The following EMC1 variants were observed in gnomAD, a reference collection of about 807,000 sequenced individuals.
The protein encoded by EMC1 is ER membrane protein complex subunit 1.
Under a neutral mutation model 128.8 loss-of-function variants are expected in EMC1, and 103 were observed. The observed-to-expected ratio is 0.80, with a 90% CI of 0.68 to 0.94. EMC1 has a LOEUF of 0.94. EMC1 is among the 40% of genes least tolerant of loss of function. The probability of loss-of-function intolerance (pLI) is 0.00; values close to 1 mark genes in which losing one functional copy is unlikely to be tolerated. For synonymous variants in EMC1, 442 were observed against 490.4 expected (o/e 0.90, Z 1.30); for missense variants, 1,083 against 1,250.6 (o/e 0.87, Z 2.02).
chr1:19,245,124 A>G lies in EMC1; in HGVS notation c.96-94T>C. On this transcript the variant is annotated intron_variant, in intron 1 of 22. Coordinates refer to ENST00000477853, the MANE Select transcript of EMC1 (RefSeq NM_015047.3). ...AAAATCACAGGGCTATCACCATCAC[A>G]TTCATTTTAGGACACATAAGACGTG... 2.1e-6 allele frequency: 3 copies of G among 1,407,610 alleles called. No homozygotes were observed. In the South Asian group the frequency reaches 3.5e-5, roughly 17 times the overall value. The allele number at this position is 1,407,610 out of a possible 1,614,324, so 87.2% of individuals were successfully genotyped here. A position where few individuals can be genotyped will look rare whatever the true frequency, so the allele number is the denominator to read the frequency against.
chr1:19,215,853 T>A lies in EMC1; in HGVS notation c.*3450A>T, dbSNP rs936058622. 6.6e-6 allele frequency: 1 copy of A among 152,076 alleles called. No individual in the cohort carries two copies. Among genetic ancestry groups the A allele is most frequent in the Non-Finnish European group, 1.5e-5 (1 of 68,058 alleles). 9.4% of individuals were successfully genotyped at this position (152,076 alleles called of 1,614,324 possible). ...ACCACCACACCTGGCTAAATTTTTTTATTTTTTTGGTAGAGATGGGGTTTC... is the reference window on the plus strand; with the variant it reads ...ACCACCACACCTGGCTAAATTTTTTAATTTTTTTGGTAGAGATGGGGTTTC... On this transcript the variant is annotated 3_prime_UTR_variant, in exon 23 of 23. Coordinates refer to ENST00000477853, the MANE Select transcript of EMC1 (RefSeq NM_015047.3).
At position 19,240,709 on chromosome 1, in the gene EMC1, A is replaced by G. The variant is rs540962487; in HGVS notation, c.637-263T>C. 6.6e-5 allele frequency: 38 copies of G among 575,164 alleles called. 1 individual carries two copies. In the South Asian group the frequency reaches 7.6e-4, roughly 11 times the overall value. The allele number at this position is 575,164 out of a possible 1,614,324, so 35.6% of individuals were successfully genotyped here. Reference sequence around the variant, plus strand: ...GATAATTTTAAATACCTGGCACTTCAGAATCAGCACTTCTTTACTATATTT... The same window carrying G: ...GATAATTTTAAATACCTGGCACTTCGGAATCAGCACTTCTTTACTATATTT... On this transcript the variant is annotated intron_variant, in intron 6 of 22. Coordinates refer to ENST00000477853, the MANE Select transcript of EMC1 (RefSeq NM_015047.3).
In EMC1 at chr1:19,226,828, C is replaced by A. The variant is rs2151943177; in HGVS notation, c.2202+485G>T. 2.0e-5 allele frequency among the ~76,000 whole-genome samples: 3 copies of A among 152,064 alleles called. No homozygotes were observed. In the Middle Eastern group the frequency reaches 0.01, roughly 517 times the overall value. Reference sequence around the variant, plus strand: ...GACTCAAGTAATCCACCCACCTCGACCTCTCAAAATGCTGGGATTACTGGC... The same window carrying A: ...GACTCAAGTAATCCACCCACCTCGAACTCTCAAAATGCTGGGATTACTGGC... On this transcript the variant is annotated intron_variant, in intron 18 of 22. Coordinates refer to ENST00000477853, the MANE Select transcript of EMC1 (RefSeq NM_015047.3).
At chr1:19,235,766 G>A (rs756292064) in intron 12 of EMC1, among the ~76,000 whole-genome samples, 10 of 151,968 alleles carry the variant, frequency 6.6e-5, no homozygotes, top group Admixed American at 1.3e-4. Flanking sequence ...GGTGGCGAGC[G>A]CCTGTAGTCA....
intron 15 of EMC1, 35 bp from the exon 16 acceptor site, chr1:19,231,457 G>C: frequency 1.3e-6 from 2 of 1,594,518 alleles, no homozygotes. Context: ...CCACCAACAA[G>C]AAAAGACTGC....
chr1:19,241,663 G>A (rs999852239), intron 5 of EMC1, among the ~76,000 whole-genome samples: 3 of 152,012 alleles, frequency 2.0e-5, no homozygotes, highest in African/African-American at 7.2e-5. Context: ...TCACAAGCAC[G>A]CACCACCATG....
chr1:19,222,860 A>G, intron 19 of EMC1, 26 bp from the exon 20 acceptor site: 1 of 1,543,704 alleles, frequency 6.5e-7, no homozygotes, highest in Non-Finnish European at 8.8e-7. Flanking sequence ...GTGGCAGCTC[A>G]GGGCTTAGCA....
intron 21 of EMC1, chr1:19,220,014 A>G (rs1328238922): frequency 1.3e-5 from 4 of 309,960 alleles, no homozygotes; most frequent in African/African-American, 8.5e-5. Context: ...ACACTGAACC[A>G]CTAAGCTAAT....
At chr1:19,233,348 T>A (rs16862629) in intron 13 of EMC1, among the ~76,000 whole-genome samples, 1 of 152,042 alleles carries the variant, frequency 6.6e-6, no homozygotes, top group Non-Finnish European at 1.5e-5. Context: ...CTTAACTGGC[T>A]CTTAACAACT....
chr1:19,249,280 T>G (rs930342052), intron 1 of EMC1, among the ~76,000 whole-genome samples: 21 of 150,512 alleles, frequency 1.4e-4, no homozygotes, highest in Non-Finnish European at 4.4e-5. Context: ...ACTTACTGAC[T>G]AACCCCAGAA....
At chr1:19,229,038 T>C (rs1558097766) in intron 17 of EMC1, among the ~76,000 whole-genome samples, 1 of 152,110 alleles carries the variant, frequency 6.6e-6, no homozygotes, top group Non-Finnish European at 1.5e-5. Flanking sequence ...AGCGAGACTC[T>C]GTCTCTAAAA....
In EMC1 at chr1:19,240,312, T is replaced by C. The variant is rs770775909; in HGVS notation, c.771A>G (p.Arg257=). Residue 257 remains arginine, a synonymous_variant, in exon 7 of 23, where the codon AGA becomes AGG. Coordinates refer to ENST00000477853, the MANE Select transcript of EMC1 (RefSeq NM_015047.3). ...TLALETEWEL[R]QIPLQSLDLE... is the part of the protein sequence containing the mutation. ...AGCCTCTCACCTGCAGTGGGATCTG[T>C]CTCAACTCCCATTCCGTCTCCAGAG... 1.2e-6 allele frequency: 2 copies of C among 1,614,028 alleles called. No homozygotes were observed. Among genetic ancestry groups the C allele is most frequent in the Non-Finnish European group, 1.7e-6 (2 of 1,180,030 alleles).
At chr1:19,223,002 T>A in intron 19 of EMC1, 168 bp from the exon 20 acceptor site, 1 of 602,082 alleles carries the variant, frequency 1.7e-6, no homozygotes, top group East Asian at 2.9e-5. Context: ...TTCAAAGTAG[T>A]TTTATCTAGG....
rs761191684 is a variant in EMC1, at chr1:19,251,394, A to G, written c.95+21T>C. On this transcript the variant is annotated intron_variant, in intron 1 of 22. Transcript: ENST00000477853. ...GGGGAAACAGCCACTTATCTCTCGAATATGTTCCACACGTACGCACCAATC... is the reference window on the plus strand; with the variant it reads ...GGGGAAACAGCCACTTATCTCTCGAGTATGTTCCACACGTACGCACCAATC... 4 of 1,608,792 alleles carry G rather than the reference A, an allele frequency of 2.5e-6. No individual in the cohort carries two copies. In the African/African-American group the frequency reaches 4.0e-5, roughly 16 times the overall value.
At chr1:19,247,842 T>C (rs2093638636) in intron 1 of EMC1, among the ~76,000 whole-genome samples, 1 of 152,112 alleles carries the variant, frequency 6.6e-6, no homozygotes, top group African/African-American at 2.4e-5. Flanking sequence ...CTGGCCAACA[T>C]GGTGAAACCC....
chr1:19,227,335 C>A lies in EMC1; in HGVS notation c.2180G>T (p.Gly727Val). 1 of 1,614,146 alleles carries A rather than the reference C, an allele frequency of 6.2e-7. No individual in the cohort carries two copies. Among genetic ancestry groups the A allele is most frequent in the Non-Finnish European group, 8.5e-7 (1 of 1,180,008 alleles). Residue 727 changes from glycine (G) to valine (V), a missense_variant, in exon 18 of 23, where the codon GGG becomes GTG. Physicochemically the swap from Gly to Val is moderately radical, Grantham distance 109. Coordinates refer to ENST00000477853, the MANE Select transcript of EMC1 (RefSeq NM_015047.3). ...TACCTTGTAGAGCACACTGCGGTCC[C>A]CCATCACACGGCCCTGGGAATGAAC... ...EHVHSQGRVM[G>V]DRSVLYKSLN...
Position 19,241,078 on chromosome 1 carries a change from C to A in EMC1, c.574G>T (p.Val192Phe), listed in dbSNP as rs1437092860. The change falls in exon 6 of 23, where the codon GTT becomes TTT. Residue 192 changes from valine to phenylalanine, a missense_variant. Physicochemically the swap from Val to Phe is conservative, Grantham distance 50. This residue lies in a region of EMC1 where 544 missense variants were observed against 572.4 expected (regional missense o/e 0.95). Transcript: ENST00000477853. ...ACAATGTTCACATGGCTGAAGGGAA[C>A]AACTCCGAGGGCCCACACCACCCCA... is the stretch of plus-strand genomic sequence containing the variant. ...GSGVVWALGV[V>F]PFSHVNIVKF... 6.2e-7 allele frequency: 1 copy of A among 1,614,048 alleles called. No individual in the cohort carries two copies. Among genetic ancestry groups the A allele is most frequent in the African/African-American group, 1.3e-5 (1 of 74,908 alleles).
In EMC1 at chr1:19,216,373, C is replaced by G. The variant is rs1016254423; in HGVS notation, c.*2930G>C. ...GATTAGATAGCTTACATTAAAGTCT[C>G]TAACACTTAAATTAGGAATTGAGTA... On this transcript the variant is annotated 3_prime_UTR_variant, in exon 23 of 23. Transcript: ENST00000477853. 3.9e-5 allele frequency: 6 copies of G among 152,132 alleles called. No individual in the cohort carries two copies. Among genetic ancestry groups the G allele is most frequent in the African/African-American group, 1.4e-4 (6 of 41,402 alleles). The allele number at this position is 152,132 out of a possible 1,614,324, so 9.4% of individuals were successfully genotyped here.
chr1:19,240,457 G>C lies in EMC1; in HGVS notation c.637-11C>G, dbSNP rs1026122235. 1.2e-6 allele frequency: 2 copies of C among 1,613,682 alleles called. No individual in the cohort carries two copies. Among genetic ancestry groups the C allele is most frequent in the Non-Finnish European group, 8.5e-7 (1 of 1,179,858 alleles). ...AGTTGAAACCCTAACCTACAGAAAA[G>C]TCATCGTTAACAGGAAGCTCGTGAA... On this transcript the variant is annotated splice_polypyrimidine_tract_variant and intron_variant, in intron 6 of 22. Coordinates refer to ENST00000477853, the MANE Select transcript of EMC1 (RefSeq NM_015047.3).
Sources: allele counts gnomAD v4.1 joint callset (sites outside exome capture counted in the v4.1 genomes callset), GRCh38; gene constraint gnomAD v4.1.1; regional missense constraint gnomAD v4.1.1; transcripts MANE v1.5; gene names NCBI Gene and HGNC (gene_info 2026-07-23, HGNC 2026-07-21).